The following JAZF1 variants were observed in gnomAD, a reference collection of about 807,000 sequenced individuals.
JAZF1 encodes juxtaposed with another zinc finger protein 1.
Under a neutral mutation model 26.4 loss-of-function variants are expected in JAZF1, and 8 were observed. The ratio of observed to expected loss-of-function variants is 0.30; its 90% CI spans 0.18 to 0.55. The LOEUF (loss-of-function observed/expected upper bound fraction) is 0.55. Ranked by LOEUF, JAZF1 falls within the 20% of genes least tolerant of loss-of-function variation. The pLI is 0.94. For synonymous variants in JAZF1, 126 were observed against 122.3 expected (o/e 1.03, Z -0.20); for missense variants, 199 against 322.0 (o/e 0.62, Z 2.92).
intron 2 of JAZF1, among the ~76,000 whole-genome samples, chr7:27,925,977 G>C (rs1027157892): frequency 2.0e-5 from 3 of 152,212 alleles, no homozygotes; most frequent in African/African-American, 7.2e-5. Context: ...GTGGTATGCA[G>C]AGCTGAATAC....
intron 1 of JAZF1, among the ~76,000 whole-genome samples, chr7:28,060,600 TGAG>T (rs1473091590): frequency 1.3e-5 from 2 of 152,248 alleles, no homozygotes; most frequent in African/African-American, 4.8e-5. Context: ...ACAGATTTTC[TGAG>T]GAGATTTATT....
chr7:28,086,426 A>C (rs1183152413), intron 1 of JAZF1, among the ~76,000 whole-genome samples: 1 of 152,214 alleles, frequency 6.6e-6, no homozygotes, highest in Non-Finnish European at 1.5e-5. Flanking sequence ...ACCATTACTG[A>C]TAAACCCCTT....
intron 1 of JAZF1, among the ~76,000 whole-genome samples, chr7:28,165,363 G>A (rs562102209): frequency 2.4e-4 from 37 of 152,246 alleles, no homozygotes; most frequent in African/African-American, 8.4e-4. Context: ...AAGAGAACTA[G>A]AGTGCCAGTT....
intron 3 of JAZF1, among the ~76,000 whole-genome samples, chr7:27,862,706 CT>C (rs929598998): frequency 2.0e-5 from 3 of 152,196 alleles, no homozygotes; most frequent in African/African-American, 7.2e-5. Context: ...CTCTTTTCCA[CT>C]TGCTGTCCAG....
At chr7:28,137,026 C>A (rs943297680) in intron 1 of JAZF1, among the ~76,000 whole-genome samples, 1 of 152,300 alleles carries the variant, frequency 6.6e-6, no homozygotes, top group Non-Finnish European at 1.5e-5. Context: ...CACTTTCCTG[C>A]CCAACAGCCC....
intron 1 of JAZF1, among the ~76,000 whole-genome samples, chr7:28,104,772 T>C (rs1056722148): frequency 6.6e-6 from 1 of 152,348 alleles, no homozygotes; most frequent in African/African-American, 2.4e-5. Context: ...ATTATCTGAA[T>C]CTTCCCATTT....
chr7:28,029,463 G>T (rs1239926260), intron 1 of JAZF1, among the ~76,000 whole-genome samples: 3 of 152,120 alleles, frequency 2.0e-5, no homozygotes, highest in Non-Finnish European at 4.4e-5. Context: ...ATCAAGCACA[G>T]GCAACAGAAC....
At chr7:27,893,840 G>A (rs1239214420) in intron 3 of JAZF1, among the ~76,000 whole-genome samples, 1 of 152,164 alleles carries the variant, frequency 6.6e-6, no homozygotes, top group Non-Finnish European at 1.5e-5. Context: ...AATGAAGCAT[G>A]AACTAGGGAA....
chr7:28,000,622 CTTTTT>C (rs1190147547), intron 1 of JAZF1, among the ~76,000 whole-genome samples: 2 of 62,076 alleles, frequency 3.2e-5, no homozygotes, highest in East Asian at 2.6e-4. Context: ...TTCTTTCTTT[CTTTTT>C]TTTTTTTTTT....
rs558126233 is a variant in JAZF1 at position 28,130,715 on chromosome 7, G to A, written c.115+49748C>T. On this transcript the variant is annotated intron_variant, in intron 1 of 4. Coordinates refer to ENST00000283928, the MANE Select transcript of JAZF1 (RefSeq NM_175061.4). Reference sequence around the variant, plus strand: ...AACATGAAGCTCTATGTAGACTGTCGAGTGGTACTCCAATGTGATCAGGAG... The same window carrying A: ...AACATGAAGCTCTATGTAGACTGTCAAGTGGTACTCCAATGTGATCAGGAG... Among the ~76,000 whole-genome samples, 5 of 152,280 alleles carry A rather than the reference G, an allele frequency of 3.3e-5. No homozygotes were observed. The East Asian group carries it at 5.8e-4, about 18-fold the overall frequency.
At chr7:27,836,316 G>C (rs534804765) in intron 4 of JAZF1, among the ~76,000 whole-genome samples, 2,400 of 152,232 alleles carry the variant, frequency 0.016, 68 homozygotes, top group African/African-American at 0.056. Flanking sequence ...ACTTAGGTGG[G>C]GGGGGTTCCA....
chr7:27,843,831 C>A (rs919618568), intron 3 of JAZF1: 1 of 152,282 alleles, frequency 6.6e-6, no homozygotes, highest in Non-Finnish European at 1.5e-5. Flanking sequence ...TGAAGAATAA[C>A]TGAGTTCCTG....
rs762477112 is a variant in JAZF1, at chr7:27,840,755, A to T, written c.498T>A (p.Asn166Lys). ...AGGCAAAAGGCTTCTCTTCCCCTCC[A>T]TTCATGCACATGGAGCTGAGGATGG... ...SEAILSSMCM[N>K]GGEEKPFACP... is the part of the protein sequence containing the mutation. The change falls in exon 4 of 5, where the codon AAT becomes AAA. Residue 166 changes from asparagine (N) to lysine (K), a missense_variant. Around this residue, in one of 2 missense-constraint regions of JAZF1, gnomAD observed 62 missense variants for 137.2 expected, o/e 0.45. Transcript: ENST00000283928. The surrounding 1 kb of genome is among the most constrained non-coding windows in gnomAD (Gnocchi z 5.1). The T allele has an allele frequency of 6.2e-7, 1 of 1,614,094 alleles. No individual in the cohort carries two copies. The highest frequency in any genetic ancestry group is 1.1e-5 in the South Asian group (1 of 91,074).
At chr7:28,054,797 G>C (rs1172571748) in intron 1 of JAZF1, among the ~76,000 whole-genome samples, 1 of 152,006 alleles carries the variant, frequency 6.6e-6, no homozygotes, top group African/African-American at 2.4e-5. Context: ...GTAGCAACTG[G>C]CTGCTCAGGA....
intron 2 of JAZF1, among the ~76,000 whole-genome samples, chr7:27,967,132 T>A (rs907206440): frequency 6.6e-6 from 1 of 152,134 alleles, no homozygotes; most frequent in Non-Finnish European, 1.5e-5. Context: ...TTTTATTTTT[T>A]AAAAATAAAG....
At chr7:28,128,185 TG>T (rs1194861043) in intron 1 of JAZF1, among the ~76,000 whole-genome samples, 2 of 152,310 alleles carry the variant, frequency 1.3e-5, no homozygotes, top group East Asian at 3.9e-4. Context: ...TCCCGAAGTC[TG>T]GTCCCTAGAG....
At chr7:28,139,214 GT>G (rs956389322) in intron 1 of JAZF1, among the ~76,000 whole-genome samples, 4 of 152,188 alleles carry the variant, frequency 2.6e-5, no homozygotes, top group Admixed American at 2.6e-4. Context: ...AAGCTGCCAA[GT>G]TTTTCATGGA....
chr7:28,088,350 T>G (rs1292680398), intron 1 of JAZF1, among the ~76,000 whole-genome samples: 1 of 152,250 alleles, frequency 6.6e-6, no homozygotes, highest in Non-Finnish European at 1.5e-5. Flanking sequence ...GGAGCTAGCT[T>G]TCTTACTGGC....
intron 2 of JAZF1, among the ~76,000 whole-genome samples, chr7:27,936,181 G>A (rs541715512): frequency 6.6e-6 from 1 of 152,282 alleles, no homozygotes; most frequent in Admixed American, 6.5e-5. Context: ...TTACTTTAGG[G>A]AATACTTTAG....
Sources: allele counts gnomAD v4.1 joint callset (sites outside exome capture counted in the v4.1 genomes callset), GRCh38; gene constraint gnomAD v4.1.1; regional missense constraint gnomAD v4.1.1; non-coding constraint Gnocchi (gnomAD v3.1); transcripts MANE v1.5; gene names NCBI Gene and HGNC (gene_info 2026-07-23, HGNC 2026-07-21).